The following SPATA31H1 variants were observed in gnomAD, a reference collection of about 807,000 sequenced individuals.
SPATA31H1 encodes the protein spermatogenesis-associated protein 31H1.
At chr2:27,579,397 T>G in the SPATA31H1 span, 1 of 1,614,194 alleles carries the variant, frequency 6.2e-7, no homozygotes, top group Non-Finnish European at 8.5e-7. Flanking sequence ...TCCCAGAGCC[T>G]GCCAGAGAAG....
At chr2:27,576,435 GA>G in the SPATA31H1 span, 1 of 639,220 alleles carries the variant, frequency 1.6e-6, no homozygotes, top group South Asian at 2.2e-5. Flanking sequence ...ATGTTCTCAA[GA>G]TGTGAAATCT....
At chr2:27,550,553 G>A in the SPATA31H1 span, among the ~76,000 whole-genome samples, 1 of 151,110 alleles carries the variant, frequency 6.6e-6, no homozygotes, top group African/African-American at 2.5e-5. Flanking sequence ...TGAGTAGCTG[G>A]GATTACAGGC....
At chr2:27,577,186 A>G in the SPATA31H1 span, 2 of 1,613,994 alleles carry the variant, frequency 1.2e-6, no homozygotes, top group Non-Finnish European at 1.7e-6. This position sits in a 1 kb window ranked among gnomAD's most constrained non-coding sequence, Gnocchi z 4.5. Flanking sequence ...CAGGTACCAA[A>G]ATTTGTTGAT....
chr2:27,539,062 C>T, the SPATA31H1 span, among the ~76,000 whole-genome samples: 7 of 149,068 alleles, frequency 4.7e-5, no homozygotes, highest in African/African-American at 1.7e-4. Context: ...TCTATTTTTC[C>T]TGATGCAAAG....
the SPATA31H1 span, chr2:27,577,354 A>C: frequency 3.1e-6 from 5 of 1,613,972 alleles, no homozygotes; most frequent in East Asian, 8.9e-5. This position sits in a 1 kb window ranked among gnomAD's most constrained non-coding sequence, Gnocchi z 4.5. Flanking sequence ...CAAACTGTGG[A>C]ATATGAAGGG....
At chr2:27,546,329 T>G in the SPATA31H1 span, among the ~76,000 whole-genome samples, 1 of 151,938 alleles carries the variant, frequency 6.6e-6, no homozygotes, top group Non-Finnish European at 1.5e-5. Context: ...TTTTTTTTCT[T>G]TCACATTTAG....
At chr2:27,569,261 T>C in the SPATA31H1 span, 1 of 398,952 alleles carries the variant, frequency 2.5e-6, no homozygotes. Flanking sequence ...CACAGCCCCA[T>C]GATATGAAGT....
chr2:27,566,376 A>T, the SPATA31H1 span: 1 of 717,378 alleles, frequency 1.4e-6, no homozygotes, highest in Non-Finnish European at 2.6e-6. Flanking sequence ...GATACCTAGA[A>T]AGCGCAAGGT....
At chr2:27,567,837 G>T in the SPATA31H1 span, 3 of 398,898 alleles carry the variant, frequency 7.5e-6, no homozygotes, top group Non-Finnish European at 4.4e-6. Flanking sequence ...TAGCCTAAAG[G>T]TAACTCCATT....
chr2:27,577,179 G>T, the SPATA31H1 span: 1 of 1,613,954 alleles, frequency 6.2e-7, no homozygotes, highest in South Asian at 1.1e-5. The surrounding 1 kb of genome is among the most constrained non-coding windows in gnomAD (Gnocchi z 4.5). Context: ...AGATCTTCAG[G>T]TACCAAAATT....
chr2:27,548,814 T>C, the SPATA31H1 span, among the ~76,000 whole-genome samples: 3 of 151,850 alleles, frequency 2.0e-5, no homozygotes, highest in Admixed American at 6.6e-5. Flanking sequence ...GGCTCAAGCA[T>C]GTAATCCCAG....
At chr2:27,581,435 C>G in the SPATA31H1 span, 6 of 1,614,120 alleles carry the variant, frequency 3.7e-6, no homozygotes, top group South Asian at 6.6e-5. Context: ...CCGAGAGGAG[C>G]TGTCACAGTC....
the SPATA31H1 span, among the ~76,000 whole-genome samples, chr2:27,552,411 G>A: frequency 6.6e-5 from 10 of 151,692 alleles, no homozygotes; most frequent in Admixed American, 4.6e-4. Flanking sequence ...GTAGATGTAT[G>A]GATTTATTTC....
At chr2:27,580,835 C>A in the SPATA31H1 span, 11 of 1,614,182 alleles carry the variant, frequency 6.8e-6, no homozygotes, top group Non-Finnish European at 9.3e-6. Flanking sequence ...CAGGCTCAAC[C>A]ATTAAGCAGG....
the SPATA31H1 span, chr2:27,578,379 T>C: frequency 6.2e-7 from 1 of 1,614,096 alleles, no homozygotes; most frequent in Admixed American, 1.7e-5. Context: ...AATCGTAAAA[T>C]CTGAGGAGTT....
chr2:27,570,621 C>A, the SPATA31H1 span: 2 of 398,938 alleles, frequency 5.0e-6, no homozygotes, highest in African/African-American at 2.1e-5. Flanking sequence ...AGGAACTCAA[C>A]CTCAAGGTGT....
At chr2:27,540,572 G>C in the SPATA31H1 span, among the ~76,000 whole-genome samples, 2 of 141,878 alleles carry the variant, frequency 1.4e-5, no homozygotes, top group African/African-American at 5.4e-5. Flanking sequence ...GCCGGGCGGA[G>C]ACGCTCCTCA....
the SPATA31H1 span, among the ~76,000 whole-genome samples, chr2:27,556,697 T>A: frequency 0.14 from 20,364 of 147,022 alleles, 2,412 homozygotes; most frequent in African/African-American, 0.32. Flanking sequence ...CATATATTTT[T>A]TTTTTTTTAA....
chr2:27,552,448 A>G, the SPATA31H1 span, among the ~76,000 whole-genome samples: 1 of 151,968 alleles, frequency 6.6e-6, no homozygotes, highest in East Asian at 1.9e-4. Context: ...TCATAGATCT[A>G]TATGTTTATC....
Sources: gnomAD v4.1 joint callset for allele counts (sites outside exome capture counted in the v4.1 genomes callset) on GRCh38, gnomAD v4.1.1 for gene constraint, Gnocchi (gnomAD v3.1) non-coding constraint, MANE v1.5 for transcripts, NCBI Gene and HGNC (gene_info 2026-07-23, HGNC 2026-07-21) for gene names.